CSMD2: variants seen among roughly 807,000 people sequenced by gnomAD.
The protein encoded by CSMD2 is CUB and sushi domain-containing protein 2.
Under a neutral mutation model 398.5 loss-of-function variants are expected in CSMD2, and 130 were observed. The ratio of observed to expected loss-of-function variants is 0.33; its 90% CI spans 0.28 to 0.38. CSMD2 has a LOEUF of 0.38. Among genes scored for constraint, CSMD2 ranks in the 10% least tolerant of loss-of-function variants. The probability of loss-of-function intolerance (pLI) is 1.00; values close to 1 mark genes in which losing one functional copy is unlikely to be tolerated. For synonymous variants in CSMD2, 1,828 were observed against 1,908.5 expected (o/e 0.96, Z 1.10); for missense variants, 3,829 against 4,764.9 (o/e 0.80, Z 5.78).
At chr1:33,604,316 G>T (rs1451622792) in intron 42 of CSMD2, among the ~76,000 whole-genome samples, 2 of 152,192 alleles carry the variant, frequency 1.3e-5, no homozygotes, top group African/African-American at 4.8e-5. Context: ...ACTAACTGAG[G>T]CTATAATAGT....
intron 13 of CSMD2, among the ~76,000 whole-genome samples, chr1:33,763,367 C>T (rs933464981): frequency 6.6e-6 from 1 of 152,158 alleles, no homozygotes; most frequent in African/African-American, 2.4e-5. Context: ...ACTACAATTC[C>T]TAGGCCCCAT....
chr1:33,739,023 C>T, intron 15 of CSMD2, 117 bp downstream of exon 15: 1 of 956,866 alleles, frequency 1.0e-6, no homozygotes, highest in Non-Finnish European at 1.5e-6. Context: ...GCCCTTCGTT[C>T]TGGGAGAAGA....
At chr1:33,857,509 C>A (rs1416107612) in intron 5 of CSMD2, among the ~76,000 whole-genome samples, 2 of 152,094 alleles carry the variant, frequency 1.3e-5, no homozygotes, top group Non-Finnish European at 2.9e-5. Context: ...CTCGGTGCCC[C>A]ATCTCTGTTG....
chr1:33,663,044 G>T lies in CSMD2; in HGVS notation c.4101C>A (p.Arg1367=). Residue 1367 remains arginine (R), a synonymous_variant, in exon 26 of 71, where the codon CGC becomes CGA. Transcript: ENST00000373381. ...CGCTCTCCACAGGCCCATCCCAGATGCGCAGCACGTCGTGAACCTCCTCTG... is the reference window on the plus strand; with the variant it reads ...CGCTCTCCACAGGCCCATCCCAGATTCGCAGCACGTCGTGAACCTCCTCTG... ...FDTEEVHDVL[R]IWDGPVESGV... The T allele has an allele frequency of 6.2e-7, 1 of 1,614,190 alleles. No individual in the cohort carries two copies. The highest frequency in any genetic ancestry group is 8.5e-7 in the Non-Finnish European group (1 of 1,180,018).
chr1:34,017,915 C>T (rs1215800554), intron 3 of CSMD2, among the ~76,000 whole-genome samples: 1 of 152,200 alleles, frequency 6.6e-6, no homozygotes, highest in East Asian at 1.9e-4. Context: ...CTCCACATAG[C>T]TTTCACACAA....
chr1:33,694,451 G>A (rs1388471543), intron 24 of CSMD2, among the ~76,000 whole-genome samples: 2 of 152,120 alleles, frequency 1.3e-5, no homozygotes, highest in African/African-American at 4.8e-5. Flanking sequence ...GAGGTGACTG[G>A]ATCATGGGGC....
chr1:33,922,370 A>T (rs190708946), intron 4 of CSMD2, among the ~76,000 whole-genome samples: 5 of 152,182 alleles, frequency 3.3e-5, no homozygotes, highest in Admixed American at 3.3e-4. Flanking sequence ...TTAGAGGGGG[A>T]GGGAGTGGCT....
chr1:33,796,845 C>A lies in CSMD2; in HGVS notation c.1447-4319G>T, dbSNP rs527586306. The stretch of plus-strand genomic sequence containing the variant: ...TAACAAGGAATATTAATAATTAAGA[C>A]CCTGGGAAAGGAATGCATTCCTGGG... On this transcript the variant is annotated intron_variant, in intron 10 of 70. Transcript: ENST00000373381. 2.0e-5 allele frequency among the ~76,000 whole-genome samples: 3 copies of A among 152,172 alleles called. No individual in the cohort carries two copies. The South Asian group carries it at 6.2e-4, about 32-fold the overall frequency.
At chr1:33,960,853 A>G (rs1645334282) in intron 3 of CSMD2, among the ~76,000 whole-genome samples, 1 of 152,082 alleles carries the variant, frequency 6.6e-6, no homozygotes, top group Non-Finnish European at 1.5e-5. Context: ...TTTGAGGGCG[A>G]CTCTGGAATT....
intron 11 of CSMD2, among the ~76,000 whole-genome samples, chr1:33,791,367 G>A (rs1480724734): frequency 6.6e-6 from 1 of 152,196 alleles, no homozygotes; most frequent in African/African-American, 2.4e-5. Flanking sequence ...CAGTGCCTGG[G>A]AGCATGGTAG....
intron 5 of CSMD2, among the ~76,000 whole-genome samples, chr1:33,888,322 TAA>T (rs1290474739): frequency 6.6e-6 from 1 of 152,170 alleles, no homozygotes; most frequent in Non-Finnish European, 1.5e-5. Flanking sequence ...ATTTTCAAAG[TAA>T]TAATAATGAA....
intron 42 of CSMD2, 107 bp downstream of exon 42, chr1:33,605,175 C>T (rs546256999): frequency 8.9e-7 from 1 of 1,118,584 alleles, no homozygotes; most frequent in East Asian, 2.6e-5. Flanking sequence ...GCCTGGACCT[C>T]CAGCCCTGGA....
chr1:34,140,423 G>A (rs1639182318), intron 1 of CSMD2, among the ~76,000 whole-genome samples: 1 of 152,010 alleles, frequency 6.6e-6, no homozygotes, highest in Non-Finnish European at 1.5e-5. Flanking sequence ...TTGCAAGCAA[G>A]GCCTGGCAAA....
rs201706505 is a variant in CSMD2 at position 33,820,509 on chromosome 1, C to T, written c.1159G>A (p.Gly387Ser). Reference sequence around the variant, plus strand: ...AGTCTTTTGCCCCTTTCGGGTATGCCAGGGTCTGGACACATATTATGTCCT... The same window carrying T: ...AGTCTTTTGCCCCTTTCGGGTATGCTAGGGTCTGGACACATATTATGTCCT... Reference protein sequence around the residue: ...SQGHNMCPDPGIPERGKRLGS... With the variant: ...SQGHNMCPDPSIPERGKRLGS... The change falls in exon 8 of 71, where the codon GGC becomes AGC. Residue 387 changes from glycine to serine, a missense_variant. Around this residue, in one of 5 missense-constraint regions of CSMD2, gnomAD observed 2,001 missense variants for 2,567.1 expected, o/e 0.78. Coordinates refer to ENST00000373381, the MANE Select transcript of CSMD2 (RefSeq NM_001281956.2). The T allele has an allele frequency of 6.3e-7, 1 of 1,598,514 alleles. No individual in the cohort carries two copies. Among genetic ancestry groups the T allele is most frequent in the African/African-American group, 1.4e-5 (1 of 72,926 alleles).
intron 57 of CSMD2, among the ~76,000 whole-genome samples, chr1:33,543,942 T>C (rs554986015): frequency 5.3e-5 from 8 of 152,292 alleles, no homozygotes; most frequent in African/African-American, 1.7e-4. Flanking sequence ...AAGATATTTT[T>C]TATGTTCCCA....
At position 33,571,566 on chromosome 1, in the gene CSMD2, T is replaced by G; in HGVS notation, c.7923A>C (p.Lys2641Asn). The part of the protein sequence containing the change: ...QRVIRCQANG[K>N]WSLGDSTPTC... ...TGGGCGTAGAGTCCCCGAGGCTCCA[T>G]TTGCCATTGGCCTGACAGCGGATGA... The change falls in exon 51 of 71, where the codon AAA (lysine) becomes AAC (asparagine). Residue 2641 changes from lysine to asparagine, a missense_variant. Coordinates refer to ENST00000373381, the MANE Select transcript of CSMD2 (RefSeq NM_001281956.2). 5.2e-6 allele frequency: 8 copies of G among 1,524,930 alleles called. No homozygotes were observed. Among genetic ancestry groups the G allele is most frequent in the Non-Finnish European group, 7.1e-6 (8 of 1,122,122 alleles). 94.5% of individuals were successfully genotyped at this position (1,524,930 alleles called of 1,614,324 possible).
At chr1:33,586,819 C>T (rs1030479937) in intron 45 of CSMD2, among the ~76,000 whole-genome samples, 8 of 152,180 alleles carry the variant, frequency 5.3e-5, no homozygotes, top group African/African-American at 1.9e-4. Context: ...TTTCATATTC[C>T]AGGACATTTT....
At chr1:33,714,329 T>C (rs759610896) in intron 21 of CSMD2, among the ~76,000 whole-genome samples, 3 of 152,226 alleles carry the variant, frequency 2.0e-5, no homozygotes, top group Non-Finnish European at 4.4e-5. Flanking sequence ...GTGCCCACTG[T>C]GGACCTAATT....
intron 21 of CSMD2, among the ~76,000 whole-genome samples, chr1:33,711,834 G>C (rs1409720433): frequency 1.3e-5 from 2 of 152,202 alleles, no homozygotes; most frequent in Non-Finnish European, 1.5e-5. Flanking sequence ...TTTACGAGGA[G>C]GGGCTGATAG....
Sources: allele counts gnomAD v4.1 joint callset (sites outside exome capture counted in the v4.1 genomes callset), GRCh38; gene constraint gnomAD v4.1.1; regional missense constraint gnomAD v4.1.1; transcripts MANE v1.5; gene names NCBI Gene and HGNC (gene_info 2026-07-23, HGNC 2026-07-21).